MED13: variants seen among roughly 807,000 people sequenced by gnomAD.
MED13 encodes the protein mediator of RNA polymerase II transcription subunit 13.
Under a neutral mutation model 225.2 loss-of-function variants are expected in MED13, and 23 were observed. The observed-to-expected ratio is 0.10, with a 90% CI of 0.07 to 0.14. The LOEUF (loss-of-function observed/expected upper bound fraction) is 0.14, where lower values mean the gene tolerates loss of function less well. Ranked by LOEUF, MED13 falls within the 10% of genes least tolerant of loss-of-function variation. The pLI, the probability that MED13 is intolerant of heterozygous loss-of-function variation, is 1.00. For missense variants in MED13, 2,197 were observed against 2,594.5 expected (o/e 0.85, Z 3.33); for synonymous variants, 942 against 889.2 (o/e 1.06, Z -1.06).
chr17:62,010,602 T>G lies in MED13; in HGVS notation c.1915A>C (p.Lys639Gln), dbSNP rs2080497285. Residue 639 changes from lysine to glutamine, a missense_variant, in exon 9 of 30, where the codon AAG (lysine) becomes CAG (glutamine). By Grantham distance (53) the Lys-to-Gln change is moderately conservative. Around this residue, in one of 12 missense-constraint regions of MED13, gnomAD observed 884 missense variants for 918.5 expected, o/e 0.96. Transcript: ENST00000397786. ...CCAAAAGGTCCAACTGGATCATCCT[T>G]GAATTTATCACTTGGAAGTTGAGGT... ...LPPQLPSDKFKDDPVGPFGQE... is the reference protein window; with the variant it reads ...LPPQLPSDKFQDDPVGPFGQE... The G allele has an allele frequency of 3.3e-6, 5 of 1,494,462 alleles. No homozygotes were observed. The South Asian group carries it at 7.2e-5, about 22-fold the overall frequency. The allele number at this position is 1,494,462 out of a possible 1,614,324, so 92.6% of individuals were successfully genotyped here.
At chr17:61,947,176 C>T (rs1332234132) in intron 28 of MED13, among the ~76,000 whole-genome samples, 159 bp from the exon 29 acceptor site, 1 of 150,864 alleles carries the variant, frequency 6.6e-6, no homozygotes, top group Non-Finnish European at 1.5e-5. Flanking sequence ...TCTCTTTTAA[C>T]TAATTCATTA....
intron 9 of MED13, chr17:62,005,354 C>T (rs1386878393): frequency 2.6e-5 from 4 of 151,940 alleles, no homozygotes; most frequent in African/African-American, 9.7e-5. Context: ...GTCTGTAATC[C>T]CAGCACTTGG....
chr17:62,051,099 A>G (rs2080953069), intron 3 of MED13, among the ~76,000 whole-genome samples: 1 of 152,240 alleles, frequency 6.6e-6, no homozygotes, highest in South Asian at 2.1e-4. Flanking sequence ...TCTAATATCT[A>G]TCAGCCCTTT....
intron 26 of MED13, among the ~76,000 whole-genome samples, chr17:61,954,851 G>C (rs1355012253): frequency 6.6e-6 from 1 of 152,146 alleles, no homozygotes; most frequent in East Asian, 1.9e-4. Flanking sequence ...CAAGGTGAAA[G>C]AATGATTGTA....
At chr17:61,997,154 T>C (rs1427899896) in intron 9 of MED13, among the ~76,000 whole-genome samples, 3 of 152,206 alleles carry the variant, frequency 2.0e-5, no homozygotes, top group African/African-American at 7.2e-5. Flanking sequence ...CATTCATCTA[T>C]TCACTAATGC....
Position 61,968,202 on chromosome 17 carries a change from A to C in MED13, c.4024T>G (p.Tyr1342Asp). 1.2e-6 allele frequency: 2 copies of C among 1,614,148 alleles called. No homozygotes were observed. Among genetic ancestry groups the C allele is most frequent in the Non-Finnish European group, 1.7e-6 (2 of 1,180,000 alleles). ...PIPTFLLGYD[Y>D]DYLVLSPFAL... ...AATGGAGAAAGCACCAGATAATCAT[A>C]ATCATAACCCAACAAAAATGTGGGG... The change falls in exon 18 of 30, where the codon TAT becomes GAT. Residue 1342 changes from tyrosine (Y) to aspartate (D), a missense_variant. Coordinates refer to ENST00000397786, the MANE Select transcript of MED13 (RefSeq NM_005121.3).
At chr17:61,968,596 A>C (rs915750502) in intron 17 of MED13, among the ~76,000 whole-genome samples, 3 of 152,306 alleles carry the variant, frequency 2.0e-5, no homozygotes, top group African/African-American at 7.2e-5. Context: ...AAGTGCTGGG[A>C]TTACAGGTGT....
chr17:62,013,817 G>T (rs1022410854), intron 8 of MED13, among the ~76,000 whole-genome samples: 1 of 152,126 alleles, frequency 6.6e-6, no homozygotes, highest in African/African-American at 2.4e-5. Context: ...GAGGTAGGTG[G>T]ATCATGAAGT....
At chr17:62,044,672 C>T (rs907626192) in intron 3 of MED13, among the ~76,000 whole-genome samples, 3 of 152,114 alleles carry the variant, frequency 2.0e-5, no homozygotes, top group South Asian at 2.1e-4. Context: ...CTCTATATTG[C>T]CTTTTTTGAG....
At chr17:62,035,987 A>C (rs1603406385) in intron 3 of MED13, among the ~76,000 whole-genome samples, 1 of 151,830 alleles carries the variant, frequency 6.6e-6, no homozygotes, top group Non-Finnish European at 1.5e-5. Flanking sequence ...AGAGGGTCTC[A>C]GTATGTTGCC....
In MED13 at chr17:62,053,873, A is replaced by C. The variant is rs144075282; in HGVS notation, c.302-1168T>G. Among the ~76,000 whole-genome samples, 64 of 152,378 alleles carry C rather than the reference A, an allele frequency of 4.2e-4. No individual in the cohort carries two copies. In the East Asian group the frequency reaches 0.011, roughly 26 times the overall value. On this transcript the variant is annotated intron_variant, in intron 2 of 29. Transcript: ENST00000397786. ...TATACAACAAATGGGTAGAATAAAC[A>C]TTAACTAAAAAGTATGATAGTGGAC...
At chr17:61,976,450 AAT>A (rs964822450) in intron 16 of MED13, among the ~76,000 whole-genome samples, 1 of 152,184 alleles carries the variant, frequency 6.6e-6, no homozygotes, top group African/African-American at 2.4e-5. Context: ...TAGGGGGTTT[AAT>A]ATGAAAATGT....
intron 9 of MED13, among the ~76,000 whole-genome samples, chr17:62,003,305 A>C (rs1160232797): frequency 6.6e-6 from 1 of 152,172 alleles, no homozygotes; most frequent in East Asian, 1.9e-4. Flanking sequence ...AACAAGGCTT[A>C]TATCTAAAAG....
chr17:61,957,388 C>T (rs1032110583), intron 23 of MED13, among the ~76,000 whole-genome samples: 2 of 151,430 alleles, frequency 1.3e-5, no homozygotes, highest in East Asian at 1.9e-4. Context: ...CTTGCTCTGT[C>T]GCCTAGGCTA....
intron 2 of MED13, among the ~76,000 whole-genome samples, chr17:62,055,470 T>G (rs894588809): frequency 5.9e-5 from 9 of 152,246 alleles, no homozygotes; most frequent in African/African-American, 1.7e-4. Context: ...TCTGAAAATT[T>G]TATGGTTTTA....
chr17:61,958,395 G>C (rs976110629), intron 23 of MED13, among the ~76,000 whole-genome samples: 1 of 151,568 alleles, frequency 6.6e-6, no homozygotes, highest in South Asian at 2.1e-4. Flanking sequence ...CTGGAGTGCA[G>C]TGGTGTGATC....
chr17:62,020,795 G>C (rs1009316558), intron 8 of MED13, among the ~76,000 whole-genome samples: 8 of 151,042 alleles, frequency 5.3e-5, no homozygotes, highest in Admixed American at 4.6e-4. Flanking sequence ...ATAAACAAGT[G>C]AACAAAGGTC....
At chr17:61,946,697 T>TA (rs1037882351) in intron 29 of MED13, 97 bp from the exon 30 acceptor site, 11 of 1,437,284 alleles carry the variant, frequency 7.7e-6, no homozygotes, top group African/African-American at 5.8e-5. Context: ...AAAGTCACCT[T>TA]AAAAAAGAGT....
chr17:62,013,700 G>A (rs568575258), intron 8 of MED13, among the ~76,000 whole-genome samples: 6 of 152,186 alleles, frequency 3.9e-5, no homozygotes, highest in East Asian at 3.9e-4. Flanking sequence ...CAGAGATTTC[G>A]GAGGAAGAAG....
Sources: allele counts gnomAD v4.1 joint callset (sites outside exome capture counted in the v4.1 genomes callset), GRCh38; gene constraint gnomAD v4.1.1; regional missense constraint gnomAD v4.1.1; transcripts MANE v1.5; gene names NCBI Gene and HGNC (gene_info 2026-07-23, HGNC 2026-07-21).